Variants in COL9A1 observed in about 807,000 individuals in gnomAD.
The protein encoded by COL9A1 is collagen alpha-1(IX) chain.
A neutral mutation model predicts 142.6 loss-of-function variants in COL9A1; 104 were observed. The ratio of observed to expected loss-of-function variants is 0.73; its 90% CI spans 0.62 to 0.86. COL9A1 has a LOEUF of 0.86. Ranked by LOEUF, COL9A1 falls within the 40% of genes least tolerant of loss-of-function variation. The probability of loss-of-function intolerance (pLI) is 0.00; values close to 1 mark genes in which losing one functional copy is unlikely to be tolerated. For synonymous variants in COL9A1, 466 were observed against 396.0 expected (o/e 1.18, Z -2.10); for missense variants, 1,210 against 1,176.6 (o/e 1.03, Z -0.42).
intron 4 of COL9A1, among the ~76,000 whole-genome samples, chr6:70,294,903 C>T (rs1387145067): frequency 6.6e-6 from 1 of 152,188 alleles, no homozygotes; most frequent in East Asian, 1.9e-4. Flanking sequence ...AAAATACATT[C>T]TTGCAAAGTT....
intron 6 of COL9A1, chr6:70,283,343 C>A (rs917248083): frequency 2.0e-6 from 2 of 1,019,006 alleles, no homozygotes; most frequent in East Asian, 2.6e-5. Context: ...GGACTGAGCA[C>A]GCAGCTCTGC....
chr6:70,235,943 T>C (rs1188910893), intron 33 of COL9A1, among the ~76,000 whole-genome samples: 3 of 151,702 alleles, frequency 2.0e-5, no homozygotes, highest in Non-Finnish European at 4.4e-5. Flanking sequence ...TGAAACCCCT[T>C]CTCTACTAAA....
chr6:70,290,869 T>G lies in COL9A1; in HGVS notation c.696+3298A>C, dbSNP rs375990001. On this transcript the variant is annotated intron_variant, in intron 5 of 37. Coordinates refer to ENST00000357250, the MANE Select transcript of COL9A1 (RefSeq NM_001851.6). Reference sequence around the variant, plus strand: ...GGAAAATGTAAAACCACACTTTTTCTTATTGTTTTTATGGTATTTTTATGC... The same window carrying G: ...GGAAAATGTAAAACCACACTTTTTCGTATTGTTTTTATGGTATTTTTATGC... Among the ~76,000 whole-genome samples, 5 of 152,292 alleles carry G rather than the reference T, an allele frequency of 3.3e-5. No individual in the cohort carries two copies. The East Asian group carries it at 7.7e-4, about 23-fold the overall frequency.
At chr6:70,253,506 G>T in intron 25 of COL9A1, 77 bp from the exon 26 acceptor site, 1 of 1,004,030 alleles carries the variant, frequency 1.0e-6, no homozygotes, top group Non-Finnish European at 1.6e-6. Flanking sequence ...ACTGCACACT[G>T]CAGGGAGGCT....
At chr6:70,283,105 C>G (rs1332817724) in intron 6 of COL9A1, 187 bp from the exon 7 acceptor site, 2 of 1,521,748 alleles carry the variant, frequency 1.3e-6, no homozygotes, top group African/African-American at 1.4e-5. Flanking sequence ...TGGTTCCCCT[C>G]TAGGCTTCCA....
chr6:70,266,696 C>T (rs1772039042), intron 18 of COL9A1, 21 bp downstream of exon 18: 1 of 1,600,082 alleles, frequency 6.2e-7, no homozygotes, highest in Non-Finnish European at 8.6e-7. Flanking sequence ...AATTTATCCA[C>T]TAAATACCCA....
At chr6:70,245,723 G>A (rs887565120) in intron 28 of COL9A1, 1 of 152,272 alleles carries the variant, frequency 6.6e-6, no homozygotes, top group Non-Finnish European at 1.5e-5. Context: ...GGGAGGCCGA[G>A]GTGGGTGGAT....
chr6:70,290,225 G>A (rs189810898), intron 5 of COL9A1, among the ~76,000 whole-genome samples: 25 of 152,214 alleles, frequency 1.6e-4, no homozygotes, highest in Middle Eastern at 3.4e-3. Flanking sequence ...TAATAGAGCT[G>A]TACAAAATAA....
chr6:70,281,300 G>GAAAA lies in COL9A1; in HGVS notation c.876+86_876+89dup. ...GGAAGGGGAGACCCTGGTCCTCTCT[G>GAAAA]AAAAAAAAAAAAACCCCACAGGAGC... On this transcript the variant is annotated intron_variant, in intron 8 of 37. Coordinates refer to ENST00000357250, the MANE Select transcript of COL9A1 (RefSeq NM_001851.6). The GAAAA allele has an allele frequency of 2.6e-5, 29 of 1,098,802 alleles. No individual in the cohort carries two copies. In the African/African-American group the frequency reaches 2.9e-4, roughly 11 times the overall value. The allele number at this position is 1,098,802 out of a possible 1,614,324, so 68.1% of individuals were successfully genotyped here. A position where few individuals can be genotyped will look rare whatever the true frequency, so the allele number is the denominator to read the frequency against.
intron 5 of COL9A1, among the ~76,000 whole-genome samples, chr6:70,288,031 A>T (rs1422700422): frequency 6.6e-6 from 1 of 152,092 alleles, no homozygotes; most frequent in East Asian, 1.9e-4. Flanking sequence ...CTATTCCCAG[A>T]TGGACCTATC....
At chr6:70,272,764 T>C (rs1438835111) in intron 12 of COL9A1, among the ~76,000 whole-genome samples, 1 of 152,188 alleles carries the variant, frequency 6.6e-6, no homozygotes, top group Non-Finnish European at 1.5e-5. Context: ...TAATCAAGGA[T>C]TGAACCACAT....
At chr6:70,274,695 A>G (rs752221134) in intron 11 of COL9A1, 24 bp downstream of exon 11, 1 of 1,595,508 alleles carries the variant, frequency 6.3e-7, no homozygotes, top group Non-Finnish European at 8.6e-7. Context: ...CGTACTAGCA[A>G]TTAATGCCAG....
chr6:70,259,232 T>C (rs1002616963), intron 20 of COL9A1, among the ~76,000 whole-genome samples: 8 of 152,172 alleles, frequency 5.3e-5, no homozygotes, highest in African/African-American at 1.2e-4. Context: ...TTTAATTTCA[T>C]TTATTGAGCA....
In COL9A1 at chr6:70,281,426, C is replaced by T. The variant is rs1305133148; in HGVS notation, c.840G>A (p.Pro280=). ...CGATGCCTGGAACTCCAGGGGGGCC[C>T]GGAGGCCCGGGAGGACCCTGCTCAC... The part of the protein sequence containing the change: ...PPGEQGPPGP[P]GPPGVPGIDG... Residue 280 remains proline (P), a synonymous_variant, in exon 8 of 38, where the codon CCG becomes CCA. Coordinates refer to ENST00000357250, the MANE Select transcript of COL9A1 (RefSeq NM_001851.6). 3 of 1,613,376 alleles carry T rather than the reference C, an allele frequency of 1.9e-6. No homozygotes were observed. Among genetic ancestry groups the T allele is most frequent in the Admixed American group, 1.7e-5 (1 of 59,952 alleles).
Position 70,283,795 on chromosome 6 carries a change from T to A in COL9A1, c.722A>T (p.His241Leu), listed in dbSNP as rs1157440130. 2.5e-6 allele frequency: 4 copies of A among 1,610,234 alleles called. No homozygotes were observed. The part of the protein sequence containing the change: ...VPFELQWMLI[H>L]CDPLRPRRET... Reference sequence around the variant, plus strand: ...TCTCCTGGGCCGCAGGGGGTCACAATGGATCAGCATCCATTGAAGTTCAAA... The same window carrying A: ...TCTCCTGGGCCGCAGGGGGTCACAAAGGATCAGCATCCATTGAAGTTCAAA... The change falls in exon 6 of 38, where the codon CAT becomes CTT. Residue 241 changes from histidine (H) to leucine (L), a missense_variant. By Grantham distance (99) the His-to-Leu change is moderately conservative. Coordinates refer to ENST00000357250, the MANE Select transcript of COL9A1 (RefSeq NM_001851.6).
At position 70,270,332 on chromosome 6, in the gene COL9A1, A is replaced by G. The variant is rs1327478908; in HGVS notation, c.1179T>C (p.Pro393=). The change falls in exon 15 of 38, where the codon CCT becomes CCC. Residue 393 remains proline, a synonymous_variant. Coordinates refer to ENST00000357250, the MANE Select transcript of COL9A1 (RefSeq NM_001851.6). ...AACTTACTCTGGGTCCTGGGGGGCC[A>G]GGGGGGCCAGGTGGTCCTCTTCTCC... ...DPGRRGPPGP[P]GPPGPRGTIG... is the part of the protein sequence containing the mutation. The G allele has an allele frequency of 3.1e-6, 5 of 1,613,610 alleles. No individual in the cohort carries two copies. Among genetic ancestry groups the G allele is most frequent in the African/African-American group, 1.3e-5 (1 of 74,900 alleles).
intron 5 of COL9A1, among the ~76,000 whole-genome samples, chr6:70,284,436 C>A (rs1184677550): frequency 6.6e-6 from 1 of 152,106 alleles, no homozygotes; most frequent in Non-Finnish European, 1.5e-5. Flanking sequence ...AAATATAAGA[C>A]TCAGGAGAAA....
In COL9A1 at chr6:70,271,653, A is replaced by C; in HGVS notation, c.1143+2T>G. The C allele has an allele frequency of 6.2e-7, 1 of 1,613,660 alleles. No homozygotes were observed. The highest frequency in any genetic ancestry group is 8.5e-7 in the Non-Finnish European group (1 of 1,179,628). The stretch of plus-strand genomic sequence containing the variant: ...TCTATCAAAGTGCACTGTGGTACTC[A>C]CAACAGGTCCTACACGGCCAAGCTC... On this transcript the variant is annotated splice_donor_variant, in intron 14 of 37. Coordinates refer to ENST00000357250, the MANE Select transcript of COL9A1 (RefSeq NM_001851.6). LOFTEE classifies it high-confidence loss of function.
chr6:70,283,057 G>A (rs1182724049), intron 6 of COL9A1, 139 bp from the exon 7 acceptor site: 2 of 1,545,166 alleles, frequency 1.3e-6, no homozygotes, highest in Admixed American at 1.9e-5. Context: ...GGCCATGCCC[G>A]CCGCCCGCCG....
Sources: allele counts gnomAD v4.1 joint callset (sites outside exome capture counted in the v4.1 genomes callset), GRCh38; gene constraint gnomAD v4.1.1; transcripts MANE v1.5; gene names NCBI Gene and HGNC (gene_info 2026-07-23, HGNC 2026-07-21).